STRIP1: variants seen among roughly 807,000 people sequenced by gnomAD.
STRIP1 encodes the protein striatin-interacting protein 1.
Under a neutral mutation model 106.2 loss-of-function variants are expected in STRIP1, and 63 were observed. The observed-to-expected ratio is 0.59, with a 90% CI of 0.48 to 0.73. The LOEUF (loss-of-function observed/expected upper bound fraction) is 0.73. Ranked by LOEUF, STRIP1 falls within the 30% of genes least tolerant of loss-of-function variation. STRIP1 has a pLI of 0.00. For synonymous variants in STRIP1, 390 were observed against 413.0 expected (o/e 0.94, Z 0.67); for missense variants, 857 against 1,074.8 (o/e 0.80, Z 2.83).
intron 5 of STRIP1, 47 bp from the exon 6 acceptor site, chr1:110,040,588 T>TA: frequency 6.4e-7 from 1 of 1,558,520 alleles, no homozygotes; most frequent in East Asian, 2.3e-5. Flanking sequence ...GGACATCACT[T>TA]ATCTTCCTTC....
rs375490210 is a variant in STRIP1 at position 110,046,772 on chromosome 1, C to G, written c.1488+21C>G. ...CAGGGGTAAGTTGGAGGTCCTCAGT[C>G]CGGGCGCGGTGGCTCACGCCTGTAA... On this transcript the variant is annotated intron_variant, in intron 13 of 20. Coordinates refer to ENST00000369795, the MANE Select transcript of STRIP1 (RefSeq NM_033088.4). The G allele has an allele frequency of 8.2e-5, 131 of 1,600,730 alleles. No individual in the cohort carries two copies. In the African/African-American group the frequency reaches 1.6e-3, roughly 20 times the overall value.
At chr1:110,038,970 A>G in intron 3 of STRIP1, 1 of 749,316 alleles carries the variant, frequency 1.3e-6, no homozygotes, top group Non-Finnish European at 2.1e-6. Flanking sequence ...AAAAAAAATC[A>G]TGTGATTAAA....
intron 1 of STRIP1, among the ~76,000 whole-genome samples, chr1:110,036,237 G>A (rs989206893): frequency 1.3e-5 from 2 of 152,190 alleles, no homozygotes; most frequent in African/African-American, 4.8e-5. Context: ...CGGATCACCT[G>A]AGGTCAGGAG....
chr1:110,052,331 G>C (rs1653337502), intron 20 of STRIP1, among the ~76,000 whole-genome samples: 1 of 152,082 alleles, frequency 6.6e-6, no homozygotes, highest in South Asian at 2.1e-4. Context: ...GTGCGATCCT[G>C]GCTCACCACA....
intron 1 of STRIP1, among the ~76,000 whole-genome samples, chr1:110,037,328 G>A (rs1411871250): frequency 6.6e-6 from 1 of 152,238 alleles, no homozygotes; most frequent in African/African-American, 2.4e-5. Context: ...TCTTATGTGT[G>A]GGAGGGAAGT....
At chr1:110,034,344 G>C (rs1652326100), upstream of STRIP1, among the ~76,000 whole-genome samples, 1 of 152,206 alleles carries the variant, frequency 6.6e-6, no homozygotes, top group Non-Finnish European at 1.5e-5. Flanking sequence ...TGAGTTATAA[G>C]TGCAAAGCGA....
At chr1:110,046,560 A>G (rs1653027460) in intron 12 of STRIP1, 120 bp from the exon 13 acceptor site, 19 of 854,746 alleles carry the variant, frequency 2.2e-5, no homozygotes, top group Middle Eastern at 2.3e-4. Flanking sequence ...TTTTGTGGTG[A>G]CTTAATCCTC....
intron 8 of STRIP1, 97 bp downstream of exon 8, chr1:110,041,958 TA>T (rs1652785513): frequency 1.5e-6 from 2 of 1,345,776 alleles, no homozygotes; most frequent in Admixed American, 4.4e-5. Flanking sequence ...TATGTGACTG[TA>T]AAACTGCTTT....
At chr1:110,035,502 TC>T (rs1287852923) in intron 1 of STRIP1, among the ~76,000 whole-genome samples, 2 of 152,128 alleles carry the variant, frequency 1.3e-5, no homozygotes, top group Admixed American at 1.3e-4. Context: ...CAACATTCCT[TC>T]CTGTCTCGCT....
chr1:110,034,651 T>C lies in STRIP1; in HGVS notation c.14T>C (p.Val5Ala), dbSNP rs1359998981. The C allele has an allele frequency of 2.6e-6, 4 of 1,521,534 alleles. No homozygotes were observed. The highest frequency in any genetic ancestry group is 1.8e-6 in the Non-Finnish European group (2 of 1,135,638). 94.3% of individuals were successfully genotyped at this position (1,521,534 alleles called of 1,614,324 possible). Residue 5 changes from valine to alanine, a missense_variant, in exon 1 of 21, where the codon GTC becomes GCC. By Grantham distance (64) the Val-to-Ala change is moderately conservative. This residue lies in a region of STRIP1 where 107 missense variants were observed against 85.1 expected (regional missense o/e 1.26). Coordinates refer to ENST00000369795, the MANE Select transcript of STRIP1 (RefSeq NM_033088.4). ...GGAGCAGCCAAGATGGAGCCGGCAG[T>C]CGGCGGTCCGGGCCCACTGATCGTG... is the stretch of plus-strand genomic sequence containing the variant. Reference protein sequence around the residue: MEPAVGGPGPLIVNN... With the variant: MEPAAGGPGPLIVNN...
chr1:110,049,519 C>T lies in STRIP1; in HGVS notation c.1848C>T (p.Phe616=). Residue 616 remains phenylalanine, a synonymous_variant, in exon 17 of 21, where the codon TTC becomes TTT. Coordinates refer to ENST00000369795, the MANE Select transcript of STRIP1 (RefSeq NM_033088.4). ...FANCIPLILK[F]FNQNIMSYIT... ...ACTGCATTCCTTTGATCCTAAAGTT[C>T]TTCAATCAAAACATCATGTCCTACA... The T allele has an allele frequency of 6.2e-7, 1 of 1,605,162 alleles. No individual in the cohort carries two copies. The highest frequency in any genetic ancestry group is 1.1e-5 in the South Asian group (1 of 90,820).
chr1:110,034,856 G>C (rs1652361834), intron 1 of STRIP1, 39 bp downstream of exon 1: 2 of 1,375,786 alleles, frequency 1.5e-6, no homozygotes, highest in African/African-American at 3.1e-5. Context: ...ACCGGGTCGG[G>C]CGGCGCCGGG....
At chr1:110,050,900 A>C in intron 18 of STRIP1, 56 bp from the exon 19 acceptor site, 3 of 1,030,880 alleles carry the variant, frequency 2.9e-6, no homozygotes, top group African/African-American at 1.6e-5. Context: ...GACTTTTGGA[A>C]ACTGCTGCAC....
upstream of STRIP1, chr1:110,034,502 T>C: frequency 2.0e-6 from 2 of 1,005,236 alleles, no homozygotes; most frequent in Non-Finnish European, 2.7e-6. Flanking sequence ...CGCGAGGTAT[T>C]GGTCAGCCAA....
Position 110,053,717 on chromosome 1 carries a change from CA to C in STRIP1, c.2321del (p.Asn774ThrfsTer42). On this transcript the variant is annotated frameshift_variant, in exon 21 of 21. Coordinates refer to ENST00000369795, the MANE Select transcript of STRIP1 (RefSeq NM_033088.4). LOFTEE classifies it high-confidence loss of function. Reference protein sequence around the residue: ...FQAEECALRANIERFNARRYD... With the variant: ...FQAEECALRAXIERFNARRYD... ...AGGCAGAGGAGTGTGCCCTTCGTGC[CA>C]ACATTGAACGCTTCAACGCCCGGCG... 6.2e-7 allele frequency: 1 copy of C among 1,614,078 alleles called. No individual in the cohort carries two copies. Among genetic ancestry groups the C allele is most frequent in the Non-Finnish European group, 8.5e-7 (1 of 1,180,012 alleles).
chr1:110,038,558 A>T (rs1652606590), intron 2 of STRIP1, 125 bp from the exon 3 acceptor site: 6 of 688,586 alleles, frequency 8.7e-6, no homozygotes, highest in Non-Finnish European at 7.7e-6. Context: ...AGCTTATTCC[A>T]GGAGTCACTA....
Position 110,043,242 on chromosome 1 carries a change from A to G in STRIP1, c.1040A>G (p.Gln347Arg). 1.2e-6 allele frequency: 2 copies of G among 1,613,004 alleles called. No homozygotes were observed. The highest frequency in any genetic ancestry group is 8.5e-7 in the Non-Finnish European group (1 of 1,180,034). ...TCTGCTTCAGACTTGATTGAGCAGCAGCAGAAACGGGGCCGCCGAGAGCAC... is the reference window on the plus strand; with the variant it reads ...TCTGCTTCAGACTTGATTGAGCAGCGGCAGAAACGGGGCCGCCGAGAGCAC... Reference protein sequence around the residue: ...PASASDLIEQQQKRGRREHKA... With the variant: ...PASASDLIEQRQKRGRREHKA... Residue 347 changes from glutamine to arginine, a missense_variant, in exon 9 of 21, where the codon CAG becomes CGG. By Grantham distance (43) the Gln-to-Arg change is conservative. Around this residue, in one of 2 missense-constraint regions of STRIP1, gnomAD observed 750 missense variants for 989.8 expected, o/e 0.76. Transcript: ENST00000369795.
chr1:110,038,389 TAGC>T lies in STRIP1; in HGVS notation c.251-290_251-288del, dbSNP rs1474460900. 1.0e-4 allele frequency: 38 copies of T among 380,170 alleles called. No homozygotes were observed. In the Admixed American group the frequency reaches 1.7e-3, roughly 17 times the overall value. 23.5% of individuals were successfully genotyped at this position (380,170 alleles called of 1,614,324 possible). On this transcript the variant is annotated intron_variant, in intron 2 of 20. Coordinates refer to ENST00000369795, the MANE Select transcript of STRIP1 (RefSeq NM_033088.4). ...TACAATACACATCCTGCTCAAGAGG[TAGC>T]AGCCATTTGAGAGATGCATCCCAGG... is the stretch of plus-strand genomic sequence containing the variant.
intron 15 of STRIP1, 32 bp downstream of exon 15, chr1:110,047,901 G>A (rs1242699057): frequency 6.6e-7 from 1 of 1,519,358 alleles, no homozygotes; most frequent in Admixed American, 2.0e-5. Context: ...AAGCAGGTGG[G>A]GCAGAAGATA....
Sources: gnomAD v4.1 joint callset for allele counts (sites outside exome capture counted in the v4.1 genomes callset) on GRCh38, gnomAD v4.1.1 for gene constraint, gnomAD v4.1.1 regional missense constraint, MANE v1.5 for transcripts, NCBI Gene and HGNC (gene_info 2026-07-23, HGNC 2026-07-21) for gene names.